TMEM117: variants seen among roughly 807,000 people sequenced by gnomAD.
The protein encoded by TMEM117 is transmembrane protein 117.
In TMEM117, 27 loss-of-function variants were observed where a neutral mutation model predicts 52.4. That is an observed-to-expected ratio of 0.51 (90% CI 0.38 to 0.71). The LOEUF is 0.71. Among genes scored for constraint, TMEM117 ranks in the 30% least tolerant of loss-of-function variants. The pLI is 0.00. For missense variants in TMEM117, 556 were observed against 630.5 expected (o/e 0.88, Z 1.26); for synonymous variants, 215 against 206.3 (o/e 1.04, Z -0.36).
intron 3 of TMEM117, among the ~76,000 whole-genome samples, chr12:44,120,756 C>T (rs1033390945): frequency 2.0e-5 from 3 of 152,148 alleles, no homozygotes; most frequent in African/African-American, 4.8e-5. Context: ...TTGCTTAGGA[C>T]CTCGTCCTGG....
intron 3 of TMEM117, among the ~76,000 whole-genome samples, chr12:43,966,678 T>A (rs541925740): frequency 6.6e-6 from 1 of 152,188 alleles, no homozygotes; most frequent in Non-Finnish European, 1.5e-5. Flanking sequence ...AGATAAAAGC[T>A]CTTTTCCAGG....
chr12:44,317,872 C>A (rs1032427195), intron 6 of TMEM117, among the ~76,000 whole-genome samples: 1 of 152,172 alleles, frequency 6.6e-6, no homozygotes. Context: ...TACTCACCAC[C>A]ACATGAGGGA....
chr12:43,852,819 T>C (rs1458143436), intron 2 of TMEM117, among the ~76,000 whole-genome samples: 1 of 152,236 alleles, frequency 6.6e-6, no homozygotes, highest in Non-Finnish European at 1.5e-5. Flanking sequence ...TTTTCCAACA[T>C]GTGCAGAGAT....
chr12:44,356,300 T>C (rs1196625860), intron 6 of TMEM117, among the ~76,000 whole-genome samples: 1 of 152,138 alleles, frequency 6.6e-6, no homozygotes, highest in Non-Finnish European at 1.5e-5. Context: ...AAATTCAGAA[T>C]TGTAAAGGAG....
the TMEM117 span, among the ~76,000 whole-genome samples, chr12:43,807,807 A>C: frequency 1.3e-5 from 2 of 152,148 alleles, no homozygotes; most frequent in Admixed American, 1.3e-4. Context: ...TAAAAGCTGC[A>C]AGCGTCTTGG....
At chr12:44,273,992 G>A (rs766770041) in intron 5 of TMEM117, among the ~76,000 whole-genome samples, 17 of 152,128 alleles carry the variant, frequency 1.1e-4, no homozygotes, top group East Asian at 1.9e-4. Context: ...GAAATAAAGC[G>A]TGTCCAAATT....
At chr12:43,853,490 G>A (rs532446884) in intron 2 of TMEM117, among the ~76,000 whole-genome samples, 43 of 152,236 alleles carry the variant, frequency 2.8e-4, no homozygotes, top group African/African-American at 9.1e-4. Context: ...TGGCCAGGAT[G>A]GTCTCGATCT....
intron 6 of TMEM117, among the ~76,000 whole-genome samples, chr12:44,330,272 ATG>A (rs139429908): frequency 0.015 from 2,209 of 151,982 alleles, 64 homozygotes; most frequent in African/African-American, 0.05. Flanking sequence ...TAACTTTTTT[ATG>A]TAAGTTAAAA....
chr12:44,186,668 G>A (rs1949282144), intron 4 of TMEM117, among the ~76,000 whole-genome samples: 1 of 152,046 alleles, frequency 6.6e-6, no homozygotes. Flanking sequence ...TTACCACATG[G>A]TATATCCTGG....
At chr12:44,044,110 G>C (rs146101462) in intron 3 of TMEM117, among the ~76,000 whole-genome samples, 172 of 152,340 alleles carry the variant, frequency 1.1e-3, no homozygotes, top group Non-Finnish European at 2.8e-4. Context: ...ACTCATCCCA[G>C]CTGGGAAGGT....
chr12:43,830,036 C>T, the TMEM117 span, among the ~76,000 whole-genome samples: 14 of 143,534 alleles, frequency 9.8e-5, no homozygotes, highest in African/African-American at 2.9e-4. Flanking sequence ...TGCAGTGAGG[C>T]GAGATTGCGC....
At chr12:43,956,189 C>A (rs1308526795) in intron 3 of TMEM117, among the ~76,000 whole-genome samples, 1 of 152,138 alleles carries the variant, frequency 6.6e-6, no homozygotes, top group Non-Finnish European at 1.5e-5. Flanking sequence ...TATAAAAACC[C>A]TAGAAGACAA....
chr12:44,284,123 G>A (rs558369663), intron 5 of TMEM117, among the ~76,000 whole-genome samples: 1 of 152,234 alleles, frequency 6.6e-6, no homozygotes, highest in Non-Finnish European at 1.5e-5. Context: ...GACCATCCTG[G>A]CCAACATGGT....
intron 5 of TMEM117, among the ~76,000 whole-genome samples, chr12:44,278,551 G>A (rs1950542184): frequency 3.3e-5 from 5 of 152,132 alleles, no homozygotes; most frequent in Admixed American, 3.3e-4. Context: ...ACTTTCTGCT[G>A]TTCCTCAATG....
rs530955672 is a variant in TMEM117, at chr12:43,903,848, A to G, written c.278-40362A>G. On this transcript the variant is annotated intron_variant, in intron 2 of 7. Transcript: ENST00000266534. Reference sequence around the variant, plus strand: ...GAATCCTCTCCTTTCTAATTTTCCTACCACCAAGAATGGCTGAGCAAGTGT... The same window carrying G: ...GAATCCTCTCCTTTCTAATTTTCCTGCCACCAAGAATGGCTGAGCAAGTGT... 5.3e-5 allele frequency among the ~76,000 whole-genome samples: 8 copies of G among 152,124 alleles called. No individual in the cohort carries two copies. The East Asian group carries it at 7.7e-4, about 15-fold the overall frequency.
intron 3 of TMEM117, among the ~76,000 whole-genome samples, chr12:44,111,667 GA>G (rs1948057736): frequency 7.3e-6 from 1 of 136,212 alleles, no homozygotes; most frequent in African/African-American, 3.2e-5. Context: ...GTGGTGCTGA[GA>G]AAAATGTATA....
chr12:44,335,309 G>T (rs1041596470), intron 6 of TMEM117, among the ~76,000 whole-genome samples: 40 of 152,160 alleles, frequency 2.6e-4, no homozygotes, highest in African/African-American at 9.1e-4. Flanking sequence ...AAAATATTTA[G>T]ATTAGATTAC....
intron 5 of TMEM117, among the ~76,000 whole-genome samples, chr12:44,268,496 G>A (rs1950406879): frequency 6.6e-6 from 1 of 151,812 alleles, no homozygotes; most frequent in Non-Finnish European, 1.5e-5. Context: ...AAAATTATGA[G>A]AAATACTACA....
the TMEM117 span, among the ~76,000 whole-genome samples, chr12:43,820,826 G>T: frequency 2.6e-5 from 4 of 151,822 alleles, no homozygotes; most frequent in African/African-American, 9.7e-5. Context: ...AAGTGGCCGG[G>T]CGCGTTGGCT....
Sources: allele counts gnomAD v4.1 joint callset (sites outside exome capture counted in the v4.1 genomes callset), GRCh38; gene constraint gnomAD v4.1.1; transcripts MANE v1.5; gene names NCBI Gene and HGNC (gene_info 2026-07-23, HGNC 2026-07-21).